Variants in GBE1 observed in about 807,000 individuals in gnomAD.
GBE1 encodes the protein 1,4-alpha-glucan branching enzyme 1.
GBE1 carries 70 observed loss-of-function variants against 88.8 expected under a neutral mutation model. That is an observed-to-expected ratio of 0.79 (90% CI 0.65 to 0.96). GBE1 has a LOEUF of 0.96. GBE1 is among the 40% of genes least tolerant of loss of function. The pLI is 0.00. For synonymous variants in GBE1, 284 were observed against 300.1 expected (o/e 0.95, Z 0.56); for missense variants, 872 against 871.0 (o/e 1.00, Z -0.01).
chr3:81,696,845 T>A (rs2107154271), intron 2 of GBE1, among the ~76,000 whole-genome samples: 1 of 152,348 alleles, frequency 6.6e-6, no homozygotes, highest in South Asian at 2.1e-4. Context: ...ATTCAAAATC[T>A]ACTTTCTAGC....
intron 14 of GBE1, among the ~76,000 whole-genome samples, chr3:81,502,282 T>G (rs769341586): frequency 1.6e-4 from 24 of 152,244 alleles, no homozygotes; most frequent in Non-Finnish European, 2.6e-4. Context: ...TCTTTGACAC[T>G]GAAAGAGATC....
intron 8 of GBE1, among the ~76,000 whole-genome samples, chr3:81,592,626 CAG>C (rs1293279769): frequency 5.9e-5 from 9 of 152,026 alleles, no homozygotes; most frequent in Non-Finnish European, 1.0e-4. Flanking sequence ...TTAAACAACT[CAG>C]AATGTTTTTC....
At chr3:81,726,964 T>C (rs1276560569) in intron 1 of GBE1, among the ~76,000 whole-genome samples, 2 of 152,148 alleles carry the variant, frequency 1.3e-5, no homozygotes, top group African/African-American at 2.4e-5. Context: ...GACATTTTGA[T>C]TATGGGTCTA....
chr3:81,675,140 T>C (rs1199874779), intron 2 of GBE1, among the ~76,000 whole-genome samples: 1 of 151,968 alleles, frequency 6.6e-6, no homozygotes, highest in Non-Finnish European at 1.5e-5. Context: ...GGACTACACT[T>C]TAGAAACAAC....
At chr3:81,686,655 T>C (rs546125642) in intron 2 of GBE1, among the ~76,000 whole-genome samples, 3 of 152,178 alleles carry the variant, frequency 2.0e-5, no homozygotes, top group Non-Finnish European at 2.9e-5. Context: ...CTCTGGAGGC[T>C]GAGGCAGGAG....
At chr3:81,628,209 G>C (rs1299595369) in intron 7 of GBE1, among the ~76,000 whole-genome samples, 1 of 152,024 alleles carries the variant, frequency 6.6e-6, no homozygotes, top group Non-Finnish European at 1.5e-5. Context: ...CATACATATT[G>C]TGTATCATCC....
rs1706482959 is a variant in GBE1 at position 81,750,533 on chromosome 3, A to ATACATG, written c.143+10841_143+10842insCATGTA. ...TTCATCTCAAAACATTCATATATATATATACGTATATATATATGTATATAT... is the reference window on the plus strand; with the variant it reads ...TTCATCTCAAAACATTCATATATATATACATGTATACGTATATATATATGTATATAT... On this transcript the variant is annotated intron_variant, in intron 1 of 15. Coordinates refer to ENST00000429644, the MANE Select transcript of GBE1 (RefSeq NM_000158.4). Among the ~76,000 whole-genome samples, 7 of 76,238 alleles carry ATACATG rather than the reference A, an allele frequency of 9.2e-5. 1 individual carries two copies. The East Asian group carries it at 9.8e-3, about 107-fold the overall frequency. 50.0% of individuals were successfully genotyped at this position (76,238 alleles called of 152,430 possible).
intron 1 of GBE1, among the ~76,000 whole-genome samples, chr3:81,732,160 C>T (rs1020494313): frequency 6.6e-6 from 1 of 151,868 alleles, no homozygotes; most frequent in Non-Finnish European, 1.5e-5. Context: ...GTTAAATCAA[C>T]GAATATACAT....
chr3:81,536,723 A>C (rs1047727602), intron 13 of GBE1, among the ~76,000 whole-genome samples, 188 bp downstream of exon 13: 13 of 152,118 alleles, frequency 8.5e-5, no homozygotes, highest in African/African-American at 3.1e-4. Context: ...CATTATGTTT[A>C]AGATTTTCAT....
At chr3:81,645,495 G>A (rs1704749294) in intron 6 of GBE1, among the ~76,000 whole-genome samples, 1 of 152,158 alleles carries the variant, frequency 6.6e-6, no homozygotes, top group Admixed American at 6.5e-5. Flanking sequence ...AGCAACTTCA[G>A]TAAAGAGGCA....
In GBE1 at chr3:81,635,606, T is replaced by G. The variant is rs964318129; in HGVS notation, c.992+7175A>C. Among the ~76,000 whole-genome samples, 8 of 152,296 alleles carry G rather than the reference T, an allele frequency of 5.3e-5. No homozygotes were observed. In the East Asian group the frequency reaches 1.4e-3, roughly 26 times the overall value. The stretch of plus-strand genomic sequence containing the variant: ...AGAAAATAGACATGTTTAAACAAGC[T>G]GTTTTGCTACACCCAGATAAAAACA... On this transcript the variant is annotated intron_variant, in intron 7 of 15. Transcript: ENST00000429644.
chr3:81,649,875 G>T lies in GBE1; in HGVS notation c.476C>A (p.Pro159Gln). The T allele has an allele frequency of 6.2e-7, 1 of 1,609,452 alleles. No homozygotes were observed. Among genetic ancestry groups the T allele is most frequent in the South Asian group, 1.1e-5 (1 of 90,826 alleles). Residue 159 changes from proline to glutamine, a missense_variant, in exon 4 of 16, where the codon CCG (proline) becomes CAG (glutamine). Transcript: ENST00000429644. ...KSGEILYRIS[P>Q]WAKYVVREGD... ...TTCACGAACCACATACTTTGCCCAC[G>T]GTGAAATACGATACAAGATCTCTCC...
intron 2 of GBE1, among the ~76,000 whole-genome samples, chr3:81,695,096 C>G (rs1463880093): frequency 6.6e-6 from 1 of 152,200 alleles, no homozygotes. Flanking sequence ...TAGAGAAACA[C>G]TACATTTTAA....
intron 7 of GBE1, among the ~76,000 whole-genome samples, chr3:81,636,654 C>A (rs1310240130): frequency 1.3e-5 from 2 of 152,054 alleles, no homozygotes; most frequent in African/African-American, 4.8e-5. Flanking sequence ...CCTCAGCCTC[C>A]CAAGTAGGTG....
chr3:81,515,107 A>T (rs1165948724), intron 14 of GBE1, among the ~76,000 whole-genome samples: 1 of 151,632 alleles, frequency 6.6e-6, no homozygotes, highest in African/African-American at 2.4e-5. Flanking sequence ...GCACCAGCAT[A>T]GCTCATTTTA....
At chr3:81,742,029 G>A (rs1235540281) in intron 1 of GBE1, among the ~76,000 whole-genome samples, 1 of 151,482 alleles carries the variant, frequency 6.6e-6, no homozygotes, top group African/African-American at 2.4e-5. Context: ...ACAGCAAAGG[G>A]TTTCTCTTGC....
chr3:81,738,386 C>G (rs1391341717), intron 1 of GBE1, among the ~76,000 whole-genome samples: 1 of 151,750 alleles, frequency 6.6e-6, no homozygotes, highest in Non-Finnish European at 1.5e-5. Context: ...AAAAGTGTTC[C>G]TATTTCTCCA....
At chr3:81,725,145 T>G (rs945260650) in intron 1 of GBE1, among the ~76,000 whole-genome samples, 4 of 152,188 alleles carry the variant, frequency 2.6e-5, no homozygotes, top group African/African-American at 9.7e-5. Flanking sequence ...CTACGCTAAA[T>G]TTATATTTAA....
intron 1 of GBE1, among the ~76,000 whole-genome samples, chr3:81,760,462 G>A (rs1211265250): frequency 6.6e-6 from 1 of 152,150 alleles, no homozygotes; most frequent in African/African-American, 2.4e-5. Flanking sequence ...TGTATATTCT[G>A]TTGCCAGGAT....
Sources: gnomAD v4.1 joint callset for allele counts (sites outside exome capture counted in the v4.1 genomes callset) on GRCh38, gnomAD v4.1.1 for gene constraint, MANE v1.5 for transcripts, NCBI Gene and HGNC (gene_info 2026-07-23, HGNC 2026-07-21) for gene names.